TRIM71: variants seen among roughly 807,000 people sequenced by gnomAD.
TRIM71 encodes the protein tripartite motif containing 71.
In TRIM71, 9 loss-of-function variants were observed where a neutral mutation model predicts 61.2. The observed-to-expected ratio is 0.15, with a 90% confidence interval of 0.09 to 0.26. The LOEUF is 0.26. Among genes scored for constraint, TRIM71 ranks in the 10% least tolerant of loss-of-function variants. The probability of loss-of-function intolerance (pLI) is 1.00; values close to 1 mark genes in which losing one functional copy is unlikely to be tolerated. For synonymous variants in TRIM71, 645 were observed against 553.2 expected, an observed-to-expected ratio of 1.17 and a Z score of -2.33; for missense variants, 998 against 1,238.7, an observed-to-expected ratio of 0.81 and a Z score of 2.92.
chr3:32,875,144 T>C (rs1696841307), intron 2 of TRIM71, among the ~76,000 whole-genome samples: 1 of 152,180 alleles, frequency 6.6e-6, no homozygotes, highest in Non-Finnish European at 1.5e-5. Flanking sequence ...ACAGAGACCT[T>C]TGTGATACAG....
At chr3:32,889,751 G>A (rs1697003956) in intron 3 of TRIM71, among the ~76,000 whole-genome samples, 3 of 151,882 alleles carry the variant, frequency 2.0e-5, no homozygotes, top group African/African-American at 7.3e-5. Flanking sequence ...TACCACACTT[G>A]GTTAATTTTT....
At chr3:32,866,790 G>A (rs1453865676) in intron 1 of TRIM71, among the ~76,000 whole-genome samples, 1 of 152,164 alleles carries the variant, frequency 6.6e-6, no homozygotes, top group Non-Finnish European at 1.5e-5. Flanking sequence ...GGGCATTGGG[G>A]GAGCAGGGGC....
At chr3:32,831,884 T>A (rs1250699313) in intron 1 of TRIM71, among the ~76,000 whole-genome samples, 2 of 152,180 alleles carry the variant, frequency 1.3e-5, no homozygotes, top group African/African-American at 4.8e-5. Flanking sequence ...CAAGCAGTAT[T>A]TGATGCCATG....
At chr3:32,837,148 G>A (rs1452033499) in intron 1 of TRIM71, among the ~76,000 whole-genome samples, 3 of 152,182 alleles carry the variant, frequency 2.0e-5, no homozygotes, top group African/African-American at 4.8e-5. Flanking sequence ...ATTGTTAACA[G>A]CGTGGATAAT....
chr3:32,847,662 G>A (rs79664833), intron 1 of TRIM71, among the ~76,000 whole-genome samples: 1 of 152,226 alleles, frequency 6.6e-6, no homozygotes, highest in African/African-American at 2.4e-5. Flanking sequence ...TTGACTATCT[G>A]TCTTGAGCTC....
At chr3:32,829,375 G>A (rs1696240353) in intron 1 of TRIM71, among the ~76,000 whole-genome samples, 2 of 151,822 alleles carry the variant, frequency 1.3e-5, no homozygotes, top group Admixed American at 6.6e-5. Flanking sequence ...GTAGAGAGGG[G>A]GTTTCTCTGT....
At chr3:32,863,195 C>T (rs867411653) in intron 1 of TRIM71, among the ~76,000 whole-genome samples, 886 of 53,774 alleles carry the variant, frequency 0.016, 12 homozygotes, top group African/African-American at 0.057. Context: ...TTAATTGAAC[C>T]TTTTTTTTTT....
At chr3:32,883,548 G>C (rs1216794190) in intron 2 of TRIM71, among the ~76,000 whole-genome samples, 1 of 152,160 alleles carries the variant, frequency 6.6e-6, no homozygotes, top group South Asian at 2.1e-4. Context: ...ATGACCCTCT[G>C]TGAACATCAG....
rs556958311 is a variant in TRIM71 at position 32,885,963 on chromosome 3, G to A, written c.1050G>A (p.Ala350=). Residue 350 remains alanine, a synonymous_variant, in exon 3 of 4, where the codon GCG becomes GCA. Coordinates refer to ENST00000383763, the MANE Select transcript of TRIM71 (RefSeq NM_001039111.3). ...QLSIEQAQTV[A]EQVEMKAKVV... is the part of the protein sequence containing the mutation. ...GCATCGAGCAGGCCCAGACGGTGGC[G>A]GAACAGGTGGAGATGAAGGCGAAGG... The A allele has an allele frequency of 5.8e-5, 94 of 1,614,018 alleles. 1 individual carries two copies. In the South Asian group the frequency reaches 7.5e-4, roughly 13 times the overall value.
chr3:32,843,761 C>T (rs1696437968), intron 1 of TRIM71, among the ~76,000 whole-genome samples: 1 of 152,148 alleles, frequency 6.6e-6, no homozygotes, highest in Admixed American at 6.5e-5. Flanking sequence ...GCCCAAGGGC[C>T]ATTAGCTGAG....
chr3:32,864,306 G>GT, intron 1 of TRIM71, among the ~76,000 whole-genome samples: 2 of 152,324 alleles, frequency 1.3e-5, no homozygotes, highest in East Asian at 3.9e-4. Flanking sequence ...ATTGTGTAGT[G>GT]TAACTTGGAT....
chr3:32,870,820 G>A (rs1334794531), intron 1 of TRIM71, among the ~76,000 whole-genome samples: 1 of 152,172 alleles, frequency 6.6e-6, no homozygotes, highest in Non-Finnish European at 1.5e-5. Flanking sequence ...TTGTTCTGTT[G>A]TTGTTGTTTG....
At chr3:32,841,867 C>G (rs941579981) in intron 1 of TRIM71, among the ~76,000 whole-genome samples, 1 of 152,120 alleles carries the variant, frequency 6.6e-6, no homozygotes, top group African/African-American at 2.4e-5. Context: ...AGGAGTCTTG[C>G]CATGTTGCCC....
At chr3:32,828,502 C>CTTTTTTTT (rs67014189) in intron 1 of TRIM71, among the ~76,000 whole-genome samples, 10 of 93,260 alleles carry the variant, frequency 1.1e-4, no homozygotes, top group Non-Finnish European at 1.6e-4. Flanking sequence ...CAATTGTAAA[C>CTTTTTTTT]TTTTTTTTTT....
chr3:32,853,525 T>C (rs758531838), intron 1 of TRIM71, among the ~76,000 whole-genome samples: 11 of 152,254 alleles, frequency 7.2e-5, no homozygotes, highest in Non-Finnish European at 1.6e-4. Context: ...CATGTGGTGC[T>C]ATAAATCACC....
intron 1 of TRIM71, among the ~76,000 whole-genome samples, chr3:32,854,493 A>G (rs1185229469): frequency 6.6e-6 from 1 of 152,226 alleles, no homozygotes; most frequent in Non-Finnish European, 1.5e-5. Context: ...CACTTGACCA[A>G]GGCTCTGGAA....
intron 1 of TRIM71, among the ~76,000 whole-genome samples, chr3:32,832,894 GC>G (rs1290695592): frequency 6.6e-6 from 1 of 152,026 alleles, no homozygotes; most frequent in Non-Finnish European, 1.5e-5. Flanking sequence ...TATTGACTGG[GC>G]TGGGCGCGGT....
In TRIM71 at chr3:32,895,861, T is replaced by G. The variant is rs902233687; in HGVS notation, c.*4050T>G. The G allele has an allele frequency of 6.6e-6, 1 of 152,404 alleles. No homozygotes were observed. The highest frequency in any genetic ancestry group is 1.5e-5 in the Non-Finnish European group (1 of 68,052). 9.4% of individuals were successfully genotyped at this position (152,404 alleles called of 1,614,324 possible). A position where few individuals can be genotyped will look rare whatever the true frequency, so the allele number is the denominator to read the frequency against. On this transcript the variant is annotated 3_prime_UTR_variant, in exon 4 of 4. Coordinates refer to ENST00000383763, the MANE Select transcript of TRIM71 (RefSeq NM_001039111.3). ...AAGTCATCTACCTCATGTTAGCATC[T>G]GACAGGTCTCAAAAAGAATAGTATT...
chr3:32,864,342 G>C (rs746197694), intron 1 of TRIM71, among the ~76,000 whole-genome samples: 6 of 152,220 alleles, frequency 3.9e-5, no homozygotes, highest in Non-Finnish European at 7.3e-5. Context: ...CCAAGCACAG[G>C]TGTGGCACTC....
Sources: allele counts gnomAD v4.1 joint callset (sites outside exome capture counted in the v4.1 genomes callset), GRCh38; gene constraint gnomAD v4.1.1; transcripts MANE v1.5; gene names NCBI Gene and HGNC (gene_info 2026-07-23, HGNC 2026-07-21).